The following AP3B1 variants were observed in gnomAD, a reference collection of about 807,000 sequenced individuals.
AP3B1 encodes adaptor related protein complex 3 subunit beta 1.
In AP3B1, 61 loss-of-function variants were observed where a neutral mutation model predicts 132.5. The observed-to-expected ratio is 0.46, with a 90% confidence interval of 0.37 to 0.57. The LOEUF (loss-of-function observed/expected upper bound fraction) is 0.57, where lower values mean the gene tolerates loss of function less well. Among genes scored for constraint, AP3B1 ranks in the 20% least tolerant of loss-of-function variants. The pLI is 0.00. For synonymous variants in AP3B1, 388 were observed against 438.3 expected, an observed-to-expected ratio of 0.89 and a Z score of 1.43; for missense variants, 1,120 against 1,289.4, an observed-to-expected ratio of 0.87 and a Z score of 2.01.
intron 2 of AP3B1, among the ~76,000 whole-genome samples, chr5:78,252,689 G>C (rs1747689907): frequency 6.6e-6 from 1 of 152,174 alleles, no homozygotes; most frequent in Admixed American, 6.5e-5. Context: ...TTGAGTGCCA[G>C]CTCGGCTGCA....
chr5:78,204,579 G>A (rs1745427510), intron 7 of AP3B1, among the ~76,000 whole-genome samples: 1 of 152,086 alleles, frequency 6.6e-6, no homozygotes, highest in Admixed American at 6.6e-5. Flanking sequence ...TTTGTTCCAG[G>A]CTTCTTGGCA....
At chr5:78,163,077 G>A (rs1743456037) in intron 12 of AP3B1, 126 bp from the exon 13 acceptor site, 1 of 873,736 alleles carries the variant, frequency 1.1e-6, no homozygotes, top group Non-Finnish European at 1.9e-6. Context: ...AGCACAATAT[G>A]AGGACCAAGT....
chr5:78,156,497 C>T (rs1353957057), intron 13 of AP3B1, 130 bp from the exon 14 acceptor site: 1 of 724,008 alleles, frequency 1.4e-6, no homozygotes, highest in Non-Finnish European at 2.3e-6. Context: ...TATGTGAAAG[C>T]ATAACCATGA....
chr5:78,141,657 T>C (rs531172017), intron 14 of AP3B1, among the ~76,000 whole-genome samples: 1 of 152,318 alleles, frequency 6.6e-6, no homozygotes, highest in Admixed American at 6.5e-5. Context: ...GCTGCTTTTG[T>C]GCTATAATGG....
intron 26 of AP3B1, among the ~76,000 whole-genome samples, chr5:78,006,823 T>C (rs949803997): frequency 5.3e-5 from 8 of 152,332 alleles, no homozygotes; most frequent in African/African-American, 1.7e-4. Flanking sequence ...TGGCTATATC[T>C]GTATTTCATC....
At chr5:78,280,089 G>T (rs991558829) in intron 1 of AP3B1, among the ~76,000 whole-genome samples, 1 of 126,578 alleles carries the variant, frequency 7.9e-6, no homozygotes, top group Admixed American at 7.7e-5. Flanking sequence ...AAAAAAAAAA[G>T]AATATATTTC....
chr5:78,072,495 A>T (rs1337594137), intron 22 of AP3B1, among the ~76,000 whole-genome samples: 1 of 152,080 alleles, frequency 6.6e-6, no homozygotes, highest in East Asian at 1.9e-4. Context: ...CTGAATTGGA[A>T]TTTGCTGAAA....
chr5:78,283,076 T>C (rs984897069), intron 1 of AP3B1, among the ~76,000 whole-genome samples: 3 of 152,206 alleles, frequency 2.0e-5, no homozygotes, highest in African/African-American at 7.2e-5. Flanking sequence ...TCATAATTAC[T>C]ATGTTTATTA....
intron 22 of AP3B1, among the ~76,000 whole-genome samples, chr5:78,040,446 A>C (rs1298312928): frequency 6.6e-6 from 1 of 152,202 alleles, no homozygotes; most frequent in Non-Finnish European, 1.5e-5. Flanking sequence ...TTGGTAAAAC[A>C]AATATTTCCT....
chr5:78,272,157 T>G (rs557128642), intron 1 of AP3B1, among the ~76,000 whole-genome samples: 1 of 152,296 alleles, frequency 6.6e-6, no homozygotes, highest in African/African-American at 2.4e-5. Flanking sequence ...ACTTAACTCT[T>G]TCAAGTAATT....
intron 15 of AP3B1, among the ~76,000 whole-genome samples, chr5:78,135,019 T>C (rs1400476651): frequency 6.6e-6 from 1 of 152,208 alleles, no homozygotes; most frequent in Non-Finnish European, 1.5e-5. Flanking sequence ...AAAGAAAGGA[T>C]AGAGATGTCA....
intron 22 of AP3B1, among the ~76,000 whole-genome samples, chr5:78,086,974 C>T (rs866825086): frequency 3.9e-5 from 6 of 152,062 alleles, no homozygotes; most frequent in Non-Finnish European, 7.4e-5. Context: ...GTAGCATTTG[C>T]GTTGCCGAAT....
intron 11 of AP3B1, among the ~76,000 whole-genome samples, chr5:78,167,630 T>TACACAC (rs766621981): frequency 2.7e-5 from 4 of 150,694 alleles, no homozygotes; most frequent in African/African-American, 9.9e-5. Context: ...ATGTTATATA[T>TACACAC]ATACACACAC....
chr5:78,002,905 C>G lies in AP3B1; in HGVS notation c.3282G>C (p.Gly1094=). The part of the protein sequence containing the change: ...LRELKPVLSQ[G] ...CTAAAGTCCAGATGTAAGCAGGTTA[C>G]CCCTGAGACAGGACAGGCTTCAGTT... The change falls in exon 27 of 27, where the codon GGG becomes GGC. Residue 1094 remains glycine, a synonymous_variant. Coordinates refer to ENST00000255194, the MANE Select transcript of AP3B1 (RefSeq NM_003664.5). 1 of 1,614,140 alleles carries G rather than the reference C, an allele frequency of 6.2e-7. No homozygotes were observed. Among genetic ancestry groups the G allele is most frequent in the Admixed American group, 1.7e-5 (1 of 60,022 alleles).
At chr5:78,279,922 ATATATATT>A (rs1325534075) in intron 1 of AP3B1, among the ~76,000 whole-genome samples, 11 of 98,518 alleles carry the variant, frequency 1.1e-4, no homozygotes, top group African/African-American at 3.3e-4. Flanking sequence ...ATATATATAT[ATATATATT>A]AGCCAGGCAT....
rs376644358 is a variant in AP3B1 at position 78,081,091 on chromosome 5, C to T, written c.2577+8302G>A. Among the ~76,000 whole-genome samples the T allele has an allele frequency of 1.1e-4, 17 of 152,210 alleles. No individual in the cohort carries two copies. The East Asian group carries it at 3.3e-3, about 29-fold the overall frequency. On this transcript the variant is annotated intron_variant, in intron 22 of 26. Coordinates refer to ENST00000255194, the MANE Select transcript of AP3B1 (RefSeq NM_003664.5). Reference sequence around the variant, plus strand: ...TACTCTTGAGTTATTATTGGCCAGACTTGGGAGCATTATCCAATAACCAAT... The same window carrying T: ...TACTCTTGAGTTATTATTGGCCAGATTTGGGAGCATTATCCAATAACCAAT...
At chr5:78,271,308 C>A (rs1748536386) in intron 1 of AP3B1, among the ~76,000 whole-genome samples, 1 of 152,156 alleles carries the variant, frequency 6.6e-6, no homozygotes, top group Non-Finnish European at 1.5e-5. Context: ...GTAATCCCAG[C>A]TATTCAGGAG....
At chr5:78,157,939 C>T (rs761780674) in intron 13 of AP3B1, among the ~76,000 whole-genome samples, 109 of 151,994 alleles carry the variant, frequency 7.2e-4, no homozygotes, top group Non-Finnish European at 1.3e-3. Flanking sequence ...TTAGTAGAGA[C>T]GGGGTTTGAC....
chr5:78,078,456 T>G (rs1749852065), intron 22 of AP3B1, among the ~76,000 whole-genome samples: 1 of 152,068 alleles, frequency 6.6e-6, no homozygotes. Context: ...CAGTAGCTAC[T>G]TCTCTCTCCC....
Sources: gnomAD v4.1 joint callset for allele counts (sites outside exome capture counted in the v4.1 genomes callset) on GRCh38, gnomAD v4.1.1 for gene constraint, MANE v1.5 for transcripts, NCBI Gene and HGNC (gene_info 2026-07-23, HGNC 2026-07-21) for gene names.